The following THBS3 variants were observed in gnomAD, a reference collection of about 807,000 sequenced individuals.
The protein encoded by THBS3 is thrombospondin 3, also known as thrombospondin-3.
A neutral mutation model predicts 118.3 loss-of-function variants in THBS3; 78 were observed. The ratio of observed to expected loss-of-function variants is 0.66; its 90% CI spans 0.55 to 0.80. THBS3 has a LOEUF of 0.80. Ranked by LOEUF, THBS3 falls within the 30% of genes least tolerant of loss-of-function variation. The probability of loss-of-function intolerance (pLI) is 0.00; values close to 1 mark genes in which losing one functional copy is unlikely to be tolerated. For synonymous variants in THBS3, 427 were observed against 475.3 expected, an observed-to-expected ratio of 0.90 and a Z score of 1.32; for missense variants, 1,057 against 1,247.4, an observed-to-expected ratio of 0.85 and a Z score of 2.30.
intron 15 of THBS3, 29 bp from the exon 16 acceptor site, chr1:155,199,885 C>G (rs1473145784): frequency 2.5e-6 from 4 of 1,614,146 alleles, no homozygotes; most frequent in Non-Finnish European, 3.4e-6. Flanking sequence ...TTCTCACCAT[C>G]TCCTCTTGAT....
At chr1:155,203,410 A>C in intron 5 of THBS3, 103 bp downstream of exon 5, 1 of 1,588,294 alleles carries the variant, frequency 6.3e-7, no homozygotes, top group Non-Finnish European at 8.6e-7. Flanking sequence ...CCTGCCTTTA[A>C]ACCTACTACA....
chr1:155,207,867 G>GCGTCTCCATGCCTCTCAGC lies in THBS3; in HGVS notation c.-10_9dup (p.Gln4AlafsTer32). The GCGTCTCCATGCCTCTCAGC allele has an allele frequency of 6.2e-7, 1 of 1,613,954 alleles. No individual in the cohort carries two copies. The highest frequency in any genetic ancestry group is 1.3e-5 in the African/African-American group (1 of 75,038). ...AGAGCCAGGGCCCCCCGAAGTTCCTGCGTCTCCATGCCTCTCAGCCGGCTC... is the reference window on the plus strand; with the variant it reads ...AGAGCCAGGGCCCCCCGAAGTTCCTGCGTCTCCATGCCTCTCAGCCGTCTCCATGCCTCTCAGCCGGCTC... On this transcript the variant is annotated frameshift_variant, in exon 1 of 23. Transcript: ENST00000368378. LOFTEE classifies it high-confidence loss of function.
At position 155,205,068 on chromosome 1, in the gene THBS3, T is replaced by C. The variant is rs1348131210; in HGVS notation, c.535A>G (p.Arg179Gly). Residue 179 changes from arginine (R) to glycine (G), a missense_variant, in exon 3 of 23, where the codon AGG becomes GGG. Physicochemically the swap from Arg to Gly is moderately radical, Grantham distance 125. Coordinates refer to ENST00000368378, the MANE Select transcript of THBS3 (RefSeq NM_007112.5). ...EIRTGQKAYLRMQGFVESMKI... is the reference protein window; with the variant it reads ...EIRTGQKAYLGMQGFVESMKI... ...GGCTCCTCCCGGCTCACCTGCATCC[T>C]CAAATACGCCTTCTGTCCAGTCCTA... The C allele has an allele frequency of 6.2e-7, 1 of 1,613,250 alleles. No individual in the cohort carries two copies. The highest frequency in any genetic ancestry group is 1.1e-5 in the South Asian group (1 of 91,038).
upstream of THBS3, chr1:155,207,998 A>AG (rs996859498): frequency 3.4e-5 from 14 of 406,116 alleles, no homozygotes; most frequent in African/African-American, 2.2e-4. Flanking sequence ...CAGGCGGGTG[A>AG]GGGGGGGCTG....
chr1:155,205,149 CA>C lies in THBS3; in HGVS notation c.453del (p.His151GlnfsTer28). The part of the protein sequence containing the change: ...LYVDCKLGDQ[H>X]AGLPALAPIP... Reference sequence around the variant, plus strand: ...ATGGGGGCCAGTGCTGGAAGGCCTGCATGTTGGTCACCCAGTTTGCAGTCCA... The same window carrying C: ...ATGGGGGCCAGTGCTGGAAGGCCTGCTGTTGGTCACCCAGTTTGCAGTCCA... On this transcript the variant is annotated frameshift_variant, in exon 3 of 23. Transcript: ENST00000368378. LOFTEE classifies it high-confidence loss of function. 1 of 1,614,202 alleles carries C rather than the reference CA, an allele frequency of 6.2e-7. No individual in the cohort carries two copies. Among genetic ancestry groups the C allele is most frequent in the Non-Finnish European group, 8.5e-7 (1 of 1,180,042 alleles).
chr1:155,199,086 G>A (rs1669201855), intron 16 of THBS3, among the ~76,000 whole-genome samples: 1 of 149,518 alleles, frequency 6.7e-6, no homozygotes. Flanking sequence ...CTGCACTCCA[G>A]CTTGAGTGAC....
In THBS3 at chr1:155,207,853, C is replaced by A. The variant is rs749252795; in HGVS notation, c.24G>T (p.Gly8=). Residue 8 remains glycine (G), a synonymous_variant, in exon 1 of 23, where the codon GGG becomes GGT. Transcript: ENST00000368378. METQELR[G]ALALLLLCFF... ...AGCAAAGGAGGAGAAGAGCCAGGGC[C>A]CCCCGAAGTTCCTGCGTCTCCATGC... is the stretch of plus-strand genomic sequence containing the variant. 7 of 1,613,904 alleles carry A rather than the reference C, an allele frequency of 4.3e-6. No individual in the cohort carries two copies. In the Admixed American group the frequency reaches 1.2e-4, roughly 27 times the overall value.
chr1:155,197,308 C>G lies in THBS3; in HGVS notation c.2500-95G>C. On this transcript the variant is annotated intron_variant, in intron 20 of 22. Transcript: ENST00000368378. This position sits in a 1 kb window ranked among gnomAD's most constrained non-coding sequence, Gnocchi z 5.0. ...GTGCAGGTGGGAAAGGGATTCAAGG[C>G]GGTCATGAAAATGCCCTGGGGCCCC... The G allele has an allele frequency of 6.5e-7, 1 of 1,543,986 alleles. No individual in the cohort carries two copies. The highest frequency in any genetic ancestry group is 8.8e-7 in the Non-Finnish European group (1 of 1,132,422).
At chr1:155,200,386 T>C (rs1305261262) in intron 14 of THBS3, 65 bp downstream of exon 14, 26 of 1,573,466 alleles carry the variant, frequency 1.7e-5, no homozygotes, top group African/African-American at 2.7e-5. Context: ...GCTTCCCTGC[T>C]TCATCCCCAC....
chr1:155,201,650 T>G (rs1669748223), intron 10 of THBS3, 81 bp from the exon 11 acceptor site: 1 of 1,491,278 alleles, frequency 6.7e-7, no homozygotes, highest in Non-Finnish European at 9.2e-7. Flanking sequence ...ACCTGCGGAG[T>G]GTGGGCTGGG....
rs1668933646 is a variant in THBS3, at chr1:155,197,776, C to G, written c.2302+104G>C. The G allele has an allele frequency of 8.8e-6, 14 of 1,594,680 alleles. No individual in the cohort carries two copies. Among genetic ancestry groups the G allele is most frequent in the Non-Finnish European group, 1.2e-5 (14 of 1,164,150 alleles). The stretch of plus-strand genomic sequence containing the variant: ...TGGCCAGCTTGTGCCACTGCCTTCT[C>G]TCTCGCCACTTTGCCCATTCTCCCT... On this transcript the variant is annotated intron_variant, in intron 19 of 22. Coordinates refer to ENST00000368378, the MANE Select transcript of THBS3 (RefSeq NM_007112.5). This position sits in a 1 kb window ranked among gnomAD's most constrained non-coding sequence, Gnocchi z 5.0.
intron 11 of THBS3, 68 bp downstream of exon 11, chr1:155,201,349 C>A (rs1669690726): frequency 1.3e-6 from 2 of 1,567,652 alleles, no homozygotes; most frequent in African/African-American, 1.4e-5. Flanking sequence ...CCAACCCAGG[C>A]CCTAAACATA....
At chr1:155,199,068 C>T (rs1421377059) in intron 16 of THBS3, among the ~76,000 whole-genome samples, 4 of 150,510 alleles carry the variant, frequency 2.7e-5, no homozygotes, top group African/African-American at 4.9e-5. Context: ...CGCAGTGAGC[C>T]GATATCACTG....
At chr1:155,199,237 C>A (rs190685056) in intron 16 of THBS3, among the ~76,000 whole-genome samples, 1 of 151,132 alleles carries the variant, frequency 6.6e-6, no homozygotes, top group Non-Finnish European at 1.5e-5. Flanking sequence ...AGTGAAACCC[C>A]GTCTCTACTA....
chr1:155,203,625 A>G, intron 4 of THBS3, 86 bp from the exon 5 acceptor site: 1 of 1,516,506 alleles, frequency 6.6e-7, no homozygotes, highest in East Asian at 2.3e-5. Context: ...GAAGGTGAGG[A>G]CAGGGACAGG....
chr1:155,200,343 A>C (rs1005983396), intron 14 of THBS3, 108 bp downstream of exon 14: 2 of 1,433,120 alleles, frequency 1.4e-6, no homozygotes, highest in African/African-American at 1.4e-5. Context: ...CAACGTCCAC[A>C]AGCCTGCCTC....
Position 155,197,469 on chromosome 1 carries a change from C to A in THBS3, c.2493G>T (p.Gln831His), listed in dbSNP as rs142722847. The change falls in exon 20 of 23, where the codon CAG becomes CAT. Residue 831 changes from glutamine (Q) to histidine (H), a missense_variant. By Grantham distance (24) the Gln-to-His change is conservative (BLOSUM62 0). Around this residue, in one of 3 missense-constraint regions of THBS3, gnomAD observed 307 missense variants for 326.1 expected, o/e 0.94. Transcript: ENST00000368378. This position sits in a 1 kb window ranked among gnomAD's most constrained non-coding sequence, Gnocchi z 5.0. Reference protein sequence around the residue: ...PFRAVAQPGLQLKAVTSVSGP... With the variant: ...PFRAVAQPGLHLKAVTSVSGP... Reference sequence around the variant, plus strand: ...AATCTGAGCAGCTGGGGACCTTGAGCTGCAGCCCGGGCTGGGCAACCGCCC... The same window carrying A: ...AATCTGAGCAGCTGGGGACCTTGAGATGCAGCCCGGGCTGGGCAACCGCCC... 94 of 1,612,470 alleles carry A rather than the reference C, an allele frequency of 5.8e-5. No homozygotes were observed. In the African/African-American group the frequency reaches 1.1e-3, roughly 19 times the overall value.
In THBS3 at chr1:155,206,069, C is replaced by G; in HGVS notation, c.286+131G>C. The G allele has an allele frequency of 9.3e-7, 1 of 1,078,976 alleles. No individual in the cohort carries two copies. Among genetic ancestry groups the G allele is most frequent in the South Asian group, 1.5e-5 (1 of 66,770 alleles). The allele number at this position is 1,078,976 out of a possible 1,614,324, so 66.8% of individuals were successfully genotyped here. ...ACCCCATACCAGGTGCCCCTGATGTCTGGGCACAGCCTGATGGGACCTTGG... is the reference window on the plus strand; with the variant it reads ...ACCCCATACCAGGTGCCCCTGATGTGTGGGCACAGCCTGATGGGACCTTGG... On this transcript the variant is annotated intron_variant, in intron 2 of 22. Transcript: ENST00000368378. This position sits in a 1 kb window ranked among gnomAD's most constrained non-coding sequence, Gnocchi z 4.2.
upstream of THBS3, chr1:155,208,898 C>T: frequency 1.2e-6 from 2 of 1,611,702 alleles, no homozygotes; most frequent in Non-Finnish European, 1.7e-6. Context: ...TGGCAAGAGC[C>T]CCCAGACCTG....
Sources: gnomAD v4.1 joint callset for allele counts (sites outside exome capture counted in the v4.1 genomes callset) on GRCh38, gnomAD v4.1.1 for gene constraint, gnomAD v4.1.1 regional missense constraint, Gnocchi (gnomAD v3.1) non-coding constraint, MANE v1.5 for transcripts, NCBI Gene and HGNC (gene_info 2026-07-23, HGNC 2026-07-21) for gene names.